The following SUPT3H variants were observed in gnomAD, a reference collection of about 807,000 sequenced individuals.
SUPT3H encodes the protein transcription initiation protein SPT3 homolog.
Under a neutral mutation model 44.3 loss-of-function variants are expected in SUPT3H, and 44 were observed. That is an observed-to-expected ratio of 0.99 (90% confidence interval 0.78 to 1.28). SUPT3H has a LOEUF of 1.28. Among genes scored for constraint, SUPT3H ranks in the 50% most tolerant of loss-of-function variants. The pLI is 0.00. For missense variants in SUPT3H, 380 were observed against 387.1 expected (o/e 0.98, Z 0.15); for synonymous variants, 124 against 125.6 (o/e 0.99, Z 0.09).
At chr6:45,282,327 A>C (rs1778285761) in intron 2 of SUPT3H, among the ~76,000 whole-genome samples, 1 of 9,682 alleles carries the variant, frequency 1.0e-4, no homozygotes, top group Non-Finnish European at 1.5e-4. Context: ...AAAGAAGTTA[A>C]AAACCTTGAA....
chr6:44,970,492 G>A (rs1777414847), intron 6 of SUPT3H, among the ~76,000 whole-genome samples: 1 of 151,910 alleles, frequency 6.6e-6, no homozygotes, highest in Admixed American at 6.6e-5. Context: ...AAAGCCATGT[G>A]AGTTTCTGCC....
intron 7 of SUPT3H, among the ~76,000 whole-genome samples, chr6:44,959,642 T>A (rs1224325851): frequency 6.6e-6 from 1 of 152,132 alleles, no homozygotes; most frequent in Non-Finnish European, 1.5e-5. Flanking sequence ...TAAAAGACTT[T>A]AAGAGAAATA....
chr6:45,213,640 G>A (rs550261312), intron 2 of SUPT3H, among the ~76,000 whole-genome samples: 88 of 152,088 alleles, frequency 5.8e-4, no homozygotes, highest in African/African-American at 2.0e-3. Context: ...TGCTGAAACA[G>A]TAAGCAAACT....
chr6:45,279,568 G>A (rs752259584), intron 2 of SUPT3H, among the ~76,000 whole-genome samples: 10 of 152,064 alleles, frequency 6.6e-5, no homozygotes, highest in Admixed American at 1.3e-4. Flanking sequence ...CCTGCTATGT[G>A]AGATGCCAGC....
At chr6:44,919,280 A>G (rs1363096958) in intron 10 of SUPT3H, among the ~76,000 whole-genome samples, 1 of 152,150 alleles carries the variant, frequency 6.6e-6, no homozygotes, top group Admixed American at 6.5e-5. Context: ...TATTGCAGGC[A>G]TGGCTTTAAT....
intron 10 of SUPT3H, among the ~76,000 whole-genome samples, chr6:44,889,508 G>T (rs1312986218): frequency 6.6e-6 from 1 of 152,152 alleles, no homozygotes; most frequent in African/African-American, 2.4e-5. Flanking sequence ...ATAAGCAATG[G>T]GGAAAGGAAT....
chr6:44,821,393 C>CA (rs1767303390), intron 11 of SUPT3H, among the ~76,000 whole-genome samples: 1 of 152,136 alleles, frequency 6.6e-6, no homozygotes, highest in African/African-American at 2.4e-5. Flanking sequence ...TTCAACTGAG[C>CA]AAGAAAAATT....
In SUPT3H at chr6:44,953,396, C is replaced by T; in HGVS notation, c.715G>A (p.Val239Met). Residue 239 changes from valine to methionine, a missense_variant, in exon 9 of 11, where the codon GTG becomes ATG. Val to Met is a conservative substitution (Grantham distance 21, BLOSUM62 1). Transcript: ENST00000371459. The part of the protein sequence containing the change: ...VAQLVDLALL[V>M]RQDMVTKAGD... Reference sequence around the variant, plus strand: ...GCCTTGGTTACCATGTCTTGCCTCACAAGAAGAGCCAGATCCACTAACTAG... The same window carrying T: ...GCCTTGGTTACCATGTCTTGCCTCATAAGAAGAGCCAGATCCACTAACTAG... The T allele has an allele frequency of 6.2e-7, 1 of 1,613,876 alleles. No homozygotes were observed. Among genetic ancestry groups the T allele is most frequent in the Non-Finnish European group, 8.5e-7 (1 of 1,179,862 alleles).
intron 2 of SUPT3H, among the ~76,000 whole-genome samples, chr6:45,171,412 T>C (rs1013129466): frequency 5.3e-5 from 8 of 152,300 alleles, no homozygotes; most frequent in African/African-American, 1.9e-4. Context: ...TAAGAAATAT[T>C]TGCTAGAAAT....
chr6:45,368,847 T>C (rs967121333), intron 1 of SUPT3H, among the ~76,000 whole-genome samples: 10 of 152,136 alleles, frequency 6.6e-5, no homozygotes, highest in African/African-American at 2.4e-4. Context: ...ATTTTTATTT[T>C]CATAAAATTC....
chr6:45,045,609 T>C (rs975003940), intron 3 of SUPT3H, among the ~76,000 whole-genome samples: 1 of 152,184 alleles, frequency 6.6e-6, no homozygotes, highest in Non-Finnish European at 1.5e-5. Flanking sequence ...ACAATATGAC[T>C]TCCTCTCTTC....
chr6:44,923,027 C>T (rs1582518404), intron 10 of SUPT3H, among the ~76,000 whole-genome samples: 1 of 152,082 alleles, frequency 6.6e-6, no homozygotes, highest in East Asian at 1.9e-4. Flanking sequence ...GAAACTGTAA[C>T]AACATTTAAA....
chr6:45,367,617 C>T (rs993218619), intron 1 of SUPT3H, among the ~76,000 whole-genome samples: 1 of 152,156 alleles, frequency 6.6e-6, no homozygotes, highest in Non-Finnish European at 1.5e-5. Flanking sequence ...GCTGACAGAG[C>T]TATCTTCGAG....
intron 10 of SUPT3H, among the ~76,000 whole-genome samples, chr6:44,917,159 G>C (rs898773698): frequency 7.0e-6 from 1 of 143,150 alleles, no homozygotes; most frequent in Non-Finnish European, 1.5e-5. Flanking sequence ...GTCTCAAAAA[G>C]AAAAAAAAAA....
At chr6:44,948,169 T>C (rs1773653503) in intron 9 of SUPT3H, among the ~76,000 whole-genome samples, 1 of 152,224 alleles carries the variant, frequency 6.6e-6, no homozygotes, top group Non-Finnish European at 1.5e-5. Flanking sequence ...ATCTCTGTTT[T>C]GGTACCAGTA....
chr6:45,289,155 T>C (rs528697881), intron 2 of SUPT3H, among the ~76,000 whole-genome samples: 25 of 152,314 alleles, frequency 1.6e-4, no homozygotes, highest in Middle Eastern at 3.4e-3. Flanking sequence ...CACTCTTATT[T>C]GCTTAATATT....
intron 2 of SUPT3H, among the ~76,000 whole-genome samples, chr6:45,128,535 T>A (rs1243828882): frequency 0.011 from 460 of 43,548 alleles, 2 homozygotes; most frequent in African/African-American, 0.032. Context: ...AAAAAAAAAA[T>A]ATATATATAT....
intron 2 of SUPT3H, among the ~76,000 whole-genome samples, chr6:45,292,765 C>G (rs138399741): frequency 1.8e-4 from 14 of 77,030 alleles, no homozygotes; most frequent in African/African-American, 5.9e-4. Flanking sequence ...GATAAAAGGC[C>G]TTGTCCAACA....
At chr6:45,041,310 T>A (rs931053230) in intron 3 of SUPT3H, among the ~76,000 whole-genome samples, 2 of 152,180 alleles carry the variant, frequency 1.3e-5, no homozygotes, top group African/African-American at 4.8e-5. Context: ...GGGTGACCTT[T>A]TAGCTGAGAC....
Sources: gnomAD v4.1 joint callset for allele counts (sites outside exome capture counted in the v4.1 genomes callset) on GRCh38, gnomAD v4.1.1 for gene constraint, MANE v1.5 for transcripts, NCBI Gene and HGNC (gene_info 2026-07-23, HGNC 2026-07-21) for gene names.